PALM2AKAP2: variants seen among roughly 807,000 people sequenced by gnomAD.
PALM2AKAP2 encodes PALM2-AKAP2 fusion protein.
PALM2AKAP2 carries 37 observed loss-of-function variants against 71.5 expected under a neutral mutation model. The ratio of observed to expected loss-of-function variants is 0.52; its 90% CI spans 0.40 to 0.68. PALM2AKAP2 has a LOEUF of 0.68. Ranked by LOEUF, PALM2AKAP2 falls within the 30% of genes least tolerant of loss-of-function variation. The pLI, the probability that PALM2AKAP2 is intolerant of heterozygous loss-of-function variation, is 0.00. For missense variants in PALM2AKAP2, 1,224 were observed against 1,191.8 expected (o/e 1.03, Z -0.40); for synonymous variants, 468 against 478.8 (o/e 0.98, Z 0.29).
At chr9:109,683,885 G>T (rs967835770) in intron 1 of PALM2AKAP2, among the ~76,000 whole-genome samples, 1 of 151,826 alleles carries the variant, frequency 6.6e-6, no homozygotes, top group African/African-American at 2.4e-5. Flanking sequence ...ATTATATAGT[G>T]TATATTGGTT....
intron 1 of PALM2AKAP2, among the ~76,000 whole-genome samples, chr9:109,836,359 G>A (rs891716691): frequency 6.6e-5 from 10 of 152,098 alleles, no homozygotes; most frequent in East Asian, 3.9e-4. Context: ...AAAGGACATC[G>A]ACACCAAAAC....
At chr9:109,705,254 A>G (rs1025633075) in intron 1 of PALM2AKAP2, among the ~76,000 whole-genome samples, 6 of 152,092 alleles carry the variant, frequency 3.9e-5, no homozygotes, top group African/African-American at 1.2e-4. Context: ...CACTCTTTCC[A>G]CTTAATCGCC....
At chr9:109,901,985 T>A (rs1830340974) in intron 3 of PALM2AKAP2, among the ~76,000 whole-genome samples, 2 of 152,236 alleles carry the variant, frequency 1.3e-5, no homozygotes, top group Admixed American at 6.5e-5. Flanking sequence ...TTTCTTTTTT[T>A]AAATATCAGC....
chr9:110,019,259 AAG>A (rs1554739073), intron 7 of PALM2AKAP2, among the ~76,000 whole-genome samples: 1 of 150,676 alleles, frequency 6.6e-6, no homozygotes, highest in Non-Finnish European at 1.5e-5. Context: ...AAAAAAAAAA[AAG>A]AGAGATACCA....
intron 5 of PALM2AKAP2, 87 bp from the exon 6 acceptor site, chr9:109,931,840 T>C: frequency 6.9e-7 from 1 of 1,455,140 alleles, no homozygotes; most frequent in Non-Finnish European, 9.5e-7. Flanking sequence ...GTCCATTATG[T>C]AGGGCAGACA....
chr9:110,113,894 A>T (rs1835305981), intron 1 of PALM2AKAP2, among the ~76,000 whole-genome samples: 1 of 152,214 alleles, frequency 6.6e-6, no homozygotes, highest in Admixed American at 6.5e-5. Context: ...GAAGGCTCGA[A>T]AAATGCTATA....
chr9:109,915,560 G>A (rs1830667028), intron 3 of PALM2AKAP2, among the ~76,000 whole-genome samples: 1 of 152,156 alleles, frequency 6.6e-6, no homozygotes, highest in Non-Finnish European at 1.5e-5. Flanking sequence ...TGCAACCCTG[G>A]ACAAGTCAGT....
At chr9:110,137,321 G>C (rs887271270) in exon 2 of PALM2AKAP2, 4 of 1,614,190 alleles carry the variant, frequency 2.5e-6, no homozygotes, top group Non-Finnish European at 3.4e-6. Flanking sequence ...TCTGGGGTCA[G>C]TCAACTCAGA....
At chr9:109,984,899 G>T (rs1832343681) in intron 6 of PALM2AKAP2, among the ~76,000 whole-genome samples, 1 of 151,984 alleles carries the variant, frequency 6.6e-6, no homozygotes, top group South Asian at 2.1e-4. Context: ...AAAAGGCCGG[G>T]CGTGGTGGCT....
intron 1 of PALM2AKAP2, among the ~76,000 whole-genome samples, chr9:110,123,063 T>G (rs72754993): frequency 0.16 from 24,270 of 152,194 alleles, 2,297 homozygotes; most frequent in Admixed American, 0.21. Flanking sequence ...CATAGAGTAT[T>G]TATCTAACCT....
chr9:110,037,736 G>A (rs73657322), intron 7 of PALM2AKAP2, among the ~76,000 whole-genome samples: 6,164 of 152,274 alleles, frequency 0.04, 430 homozygotes, highest in African/African-American at 0.14. Context: ...AGGATGACCT[G>A]TCTTTAACAA....
intron 1 of PALM2AKAP2, among the ~76,000 whole-genome samples, chr9:109,701,061 G>A (rs941136107): frequency 6.6e-6 from 1 of 152,130 alleles, no homozygotes; most frequent in African/African-American, 2.4e-5. Context: ...TTTGTATTAA[G>A]TATTAAATTT....
chr9:110,160,050 AG>A (rs1243210082), intron 3 of PALM2AKAP2, among the ~76,000 whole-genome samples: 1 of 152,160 alleles, frequency 6.6e-6, no homozygotes, highest in East Asian at 1.9e-4. Context: ...GCTAATTCTG[AG>A]GGCAGGAGGA....
At chr9:109,641,895 C>T (rs1827075145) in intron 1 of PALM2AKAP2, among the ~76,000 whole-genome samples, 1 of 151,988 alleles carries the variant, frequency 6.6e-6, no homozygotes, top group Admixed American at 6.6e-5. Context: ...GCAATTTAAT[C>T]CTCAGAAAGG....
At chr9:109,671,316 G>A (rs1827568219) in intron 1 of PALM2AKAP2, among the ~76,000 whole-genome samples, 1 of 152,114 alleles carries the variant, frequency 6.6e-6, no homozygotes, top group African/African-American at 2.4e-5. Context: ...TTAATCTTCT[G>A]CATATGGCTG....
At chr9:109,762,573 A>C (rs905607419) in intron 1 of PALM2AKAP2, among the ~76,000 whole-genome samples, 1 of 152,166 alleles carries the variant, frequency 6.6e-6, no homozygotes, top group African/African-American at 2.4e-5. Flanking sequence ...TTGAAATGGC[A>C]ATGTCCACAT....
At chr9:110,027,295 T>C (rs1045811693) in intron 7 of PALM2AKAP2, among the ~76,000 whole-genome samples, 1 of 152,158 alleles carries the variant, frequency 6.6e-6, no homozygotes, top group Non-Finnish European at 1.5e-5. Flanking sequence ...AACGACTGGA[T>C]AAAATGACAT....
chr9:110,126,022 T>C (rs1160952616), intron 1 of PALM2AKAP2, among the ~76,000 whole-genome samples: 3 of 152,120 alleles, frequency 2.0e-5, no homozygotes, highest in Non-Finnish European at 4.4e-5. Context: ...GACTCAGTCT[T>C]GTGGTCTACA....
intron 3 of PALM2AKAP2, among the ~76,000 whole-genome samples, chr9:109,899,136 A>G (rs1414184599): frequency 6.6e-6 from 1 of 151,800 alleles, no homozygotes; most frequent in African/African-American, 2.4e-5. Context: ...CCCCCTAACC[A>G]TATCCATTTG....
Sources: gnomAD v4.1 joint callset for allele counts (sites outside exome capture counted in the v4.1 genomes callset) on GRCh38, gnomAD v4.1.1 for gene constraint, MANE v1.5 for transcripts, NCBI Gene and HGNC (gene_info 2026-07-23, HGNC 2026-07-21) for gene names.